Variants in ADPRHL1 observed in about 807,000 individuals in gnomAD.
ADPRHL1 encodes ADP-ribosylhydrolase like 1, also known as inactive ADP-ribosyltransferase ARH2.
ADPRHL1 carries 43 observed loss-of-function variants against 44.1 expected under a neutral mutation model. That is an observed-to-expected ratio of 0.98 (90% CI 0.76 to 1.26). The LOEUF (loss-of-function observed/expected upper bound fraction) is 1.26. Among genes scored for constraint, ADPRHL1 ranks in the 50% most tolerant of loss-of-function variants. ADPRHL1 has a pLI of 0.00. For missense variants in ADPRHL1, 2,022 were observed against 2,496.9 expected (o/e 0.81, Z 4.05); for synonymous variants, 878 against 1,017.4 (o/e 0.86, Z 2.61).
At chr13:113,431,093 C>A (rs1277709416) in intron 3 of ADPRHL1, among the ~76,000 whole-genome samples, 2 of 152,174 alleles carry the variant, frequency 1.3e-5, no homozygotes, top group Admixed American at 6.5e-5. Context: ...AGGCCCACAG[C>A]CACCTAGGAG....
At chr13:113,418,989 TC>T (rs2043900139) in intron 7 of ADPRHL1, among the ~76,000 whole-genome samples, 1 of 134,996 alleles carries the variant, frequency 7.4e-6, no homozygotes. Flanking sequence ...CTTCCCTCCC[TC>T]CCTCCCTCCC....
chr13:113,409,581 C>A lies in ADPRHL1; in HGVS notation c.1062-1361G>T, dbSNP rs573900465. ...TGCCAAGTGAAAAGCTCACTCTAAC[C>A]CGATTGTTTTTAAGAAGCTGAGGCC... On this transcript the variant is annotated intron_variant, in intron 7 of 7. Coordinates refer to ENST00000612156, the MANE Select transcript of ADPRHL1 (RefSeq NM_001394807.1). This position sits in a 1 kb window ranked among gnomAD's most constrained non-coding sequence, Gnocchi z 4.2. 3.2e-5 allele frequency: 32 copies of A among 985,212 alleles called. No individual in the cohort carries two copies. Among genetic ancestry groups the A allele is most frequent in the Non-Finnish European group, 3.7e-5 (31 of 829,924 alleles). 61.0% of individuals were successfully genotyped at this position (985,212 alleles called of 1,614,324 possible).
chr13:113,413,828 G>A (rs1028917025), intron 7 of ADPRHL1, among the ~76,000 whole-genome samples: 1 of 152,230 alleles, frequency 6.6e-6, no homozygotes, highest in African/African-American at 2.4e-5. Context: ...GGAATGGAAT[G>A]TCTTCCTCCC....
intron 1 of ADPRHL1, among the ~76,000 whole-genome samples, chr13:113,447,433 T>C (rs2044149728): frequency 6.6e-6 from 1 of 151,590 alleles, no homozygotes; most frequent in Non-Finnish European, 1.5e-5. Context: ...GTGCATGGTG[T>C]CTACACTCAT....
chr13:113,415,540 C>T (rs2043882911), intron 7 of ADPRHL1, among the ~76,000 whole-genome samples: 2 of 152,106 alleles, frequency 1.3e-5, no homozygotes, highest in Non-Finnish European at 2.9e-5. Flanking sequence ...ATCACGAGGT[C>T]AGGAGTTCGA....
At chr13:113,420,008 G>A (rs1447636130) in intron 7 of ADPRHL1, among the ~76,000 whole-genome samples, 1 of 152,168 alleles carries the variant, frequency 6.6e-6, no homozygotes, top group Non-Finnish European at 1.5e-5. Flanking sequence ...GGTGTGTGAG[G>A]AGGCTCCTGG....
At chr13:113,452,360 GT>G (rs2044184420) in intron 1 of ADPRHL1, among the ~76,000 whole-genome samples, 1 of 152,226 alleles carries the variant, frequency 6.6e-6, no homozygotes, top group African/African-American at 2.4e-5. Context: ...TTCCTCTGCT[GT>G]GAGCACAGAA....
At chr13:113,418,682 C>G (rs563194721) in intron 7 of ADPRHL1, among the ~76,000 whole-genome samples, 159 of 152,260 alleles carry the variant, frequency 1.0e-3, no homozygotes, top group African/African-American at 3.7e-3. Flanking sequence ...ACGATTGGAA[C>G]TCTCCATCCC....
Position 113,400,531 on chromosome 13 carries a change from C to T in ADPRHL1, c.*2847G>A, listed in dbSNP as rs2139584184. 1 of 152,042 alleles carries T rather than the reference C, an allele frequency of 6.6e-6. No individual in the cohort carries two copies. Among genetic ancestry groups the T allele is most frequent in the East Asian group, 1.9e-4 (1 of 5,168 alleles). 9.4% of individuals were successfully genotyped at this position (152,042 alleles called of 1,614,324 possible). A position where few individuals can be genotyped will look rare whatever the true frequency, so the allele number is the denominator to read the frequency against. On this transcript the variant is annotated 3_prime_UTR_variant, in exon 8 of 8. Transcript: ENST00000612156. Reference sequence around the variant, plus strand: ...ATGCCCGTGGAGGTGGTTAGCGCCCCATTCTTCTGCTGTAGTTATTTCACC... The same window carrying T: ...ATGCCCGTGGAGGTGGTTAGCGCCCTATTCTTCTGCTGTAGTTATTTCACC...
At chr13:113,451,108 C>T (rs565022273) in intron 1 of ADPRHL1, among the ~76,000 whole-genome samples, 120 of 152,356 alleles carry the variant, frequency 7.9e-4, no homozygotes, top group Non-Finnish European at 1.2e-3. Flanking sequence ...CCGGGCATAA[C>T]AGAAGGCTCG....
In ADPRHL1 at chr13:113,405,368, G is replaced by A; in HGVS notation, c.3914C>T (p.Pro1305Leu). The A allele has an allele frequency of 1.6e-6, 2 of 1,231,864 alleles. No individual in the cohort carries two copies. Among genetic ancestry groups the A allele is most frequent in the Non-Finnish European group, 2.0e-6 (2 of 988,058 alleles). The allele number at this position is 1,231,864 out of a possible 1,614,324, so 76.3% of individuals were successfully genotyped here. A position where few individuals can be genotyped will look rare whatever the true frequency, so the allele number is the denominator to read the frequency against. Residue 1305 changes from proline to leucine, a missense_variant, in exon 8 of 8, where the codon CCC (proline) becomes CTC (leucine). Pro to Leu is a moderately conservative substitution (Grantham distance 98). Around this residue, in one of 8 missense-constraint regions of ADPRHL1, gnomAD observed 1,221 missense variants for 1,517.8 expected, o/e 0.80. Coordinates refer to ENST00000612156, the MANE Select transcript of ADPRHL1 (RefSeq NM_001394807.1). Reference protein sequence around the residue: ...QAKGREGVRFPRGAEPDHLLP... With the variant: ...QAKGREGVRFLRGAEPDHLLP... ...CAGATGGTCAGGCTCCGCCCCACGG[G>A]GAAACCTGACGCCCTCCCTGCCCTT...
intron 7 of ADPRHL1, among the ~76,000 whole-genome samples, chr13:113,412,737 GTGCCC>G (rs1566467586): frequency 2.0e-5 from 3 of 149,528 alleles, no homozygotes; most frequent in African/African-American, 5.0e-5. Flanking sequence ...ACCGCCAACA[GTGCCC>G]CGCGGAGCTC....
intron 3 of ADPRHL1, among the ~76,000 whole-genome samples, chr13:113,429,554 G>A (rs1372625271): frequency 2.0e-5 from 3 of 152,236 alleles, no homozygotes; most frequent in South Asian, 4.1e-4. Flanking sequence ...TTGATTGCCC[G>A]TCATCTGTGT....
At position 113,422,326 on chromosome 13, in the gene ADPRHL1, C is replaced by G. The variant is rs144952998; in HGVS notation, c.1061+500G>C. The G allele has an allele frequency of 7.1e-3, 1,072 of 151,466 alleles. 4 individuals are homozygous for G. The highest frequency in any genetic ancestry group is 0.014 in the Middle Eastern group (4 of 286). The allele number at this position is 151,466 out of a possible 1,614,324, so 9.4% of individuals were successfully genotyped here. On this transcript the variant is annotated intron_variant, in intron 7 of 7. Coordinates refer to ENST00000612156, the MANE Select transcript of ADPRHL1 (RefSeq NM_001394807.1). Reference sequence around the variant, plus strand: ...GCAGGCCCCAGTGTGGACTGTTTCTCTGTCCAGGAACACACGACCCACTGT... The same window carrying G: ...GCAGGCCCCAGTGTGGACTGTTTCTGTGTCCAGGAACACACGACCCACTGT...
chr13:113,424,580 G>A (rs988266227), intron 5 of ADPRHL1, among the ~76,000 whole-genome samples: 6 of 150,886 alleles, frequency 4.0e-5, no homozygotes, highest in East Asian at 2.0e-4. Context: ...TCAGCCTCCC[G>A]AGTAGTTGGG....
chr13:113,402,189 C>T lies in ADPRHL1; in HGVS notation c.*1189G>A, dbSNP rs1373225064. On this transcript the variant is annotated 3_prime_UTR_variant, in exon 8 of 8. Coordinates refer to ENST00000612156, the MANE Select transcript of ADPRHL1 (RefSeq NM_001394807.1). Reference sequence around the variant, plus strand: ...AAAATCCAGCTGCTCCGGGGCCACTCAGGCAGCCGTGTGGCCTCACGGGTC... The same window carrying T: ...AAAATCCAGCTGCTCCGGGGCCACTTAGGCAGCCGTGTGGCCTCACGGGTC... 2 of 152,290 alleles carry T rather than the reference C, an allele frequency of 1.3e-5. No individual in the cohort carries two copies. Among genetic ancestry groups the T allele is most frequent in the African/African-American group, 2.4e-5 (1 of 41,468 alleles). 9.4% of individuals were successfully genotyped at this position (152,290 alleles called of 1,614,324 possible).
chr13:113,452,553 C>T (rs2044185832), intron 1 of ADPRHL1, among the ~76,000 whole-genome samples: 1 of 152,178 alleles, frequency 6.6e-6, no homozygotes, highest in South Asian at 2.1e-4. Context: ...CCTGCCATTT[C>T]CCTGAAATTC....
At position 113,444,585 on chromosome 13, in the gene ADPRHL1, G is replaced by A; in HGVS notation, c.219C>T (p.Tyr73=). The part of the protein sequence containing the change: ...IATAEALTTD[Y]WCLDDLYREM... ...CCCGGTACAGATCATCCAGGCACCA[G>A]TAGTCTGCGGAAGAAAGGGAGGGCA... Residue 73 remains tyrosine, a synonymous_variant, in exon 2 of 8, where the codon TAC becomes TAT. Coordinates refer to ENST00000612156, the MANE Select transcript of ADPRHL1 (RefSeq NM_001394807.1). The A allele has an allele frequency of 1.2e-6, 2 of 1,613,450 alleles. No individual in the cohort carries two copies. The highest frequency in any genetic ancestry group is 1.7e-6 in the Non-Finnish European group (2 of 1,179,514).
chr13:113,427,405 G>A (rs112340961), intron 4 of ADPRHL1, among the ~76,000 whole-genome samples: 102 of 152,326 alleles, frequency 6.7e-4, no homozygotes, highest in African/African-American at 2.3e-3. Context: ...GAAAGAACCC[G>A]GCACCACCGG....
Sources: gnomAD v4.1 joint callset for allele counts (sites outside exome capture counted in the v4.1 genomes callset) on GRCh38, gnomAD v4.1.1 for gene constraint, gnomAD v4.1.1 regional missense constraint, Gnocchi (gnomAD v3.1) non-coding constraint, MANE v1.5 for transcripts, NCBI Gene and HGNC (gene_info 2026-07-23, HGNC 2026-07-21) for gene names.